NPFFR2: variants seen among roughly 807,000 people sequenced by gnomAD.
NPFFR2 encodes G-protein coupled receptor 74.
In NPFFR2, 15 loss-of-function variants were observed where a neutral mutation model predicts 13.1. The observed-to-expected ratio is 1.15, with a 90% CI of 0.77 to 1.76. The LOEUF (loss-of-function observed/expected upper bound fraction) is 1.76, where lower values mean the gene tolerates loss of function less well. Ranked by LOEUF, NPFFR2 falls within the 40% of genes most tolerant of loss-of-function variation. NPFFR2 has a pLI of 0.00. For missense variants in NPFFR2, 572 were observed against 503.5 expected, an observed-to-expected ratio of 1.14 and a Z score of -1.30; for synonymous variants, 190 against 175.7, an observed-to-expected ratio of 1.08 and a Z score of -0.65.
chr4:72,035,451 C>A (rs1174918756), intron 1 of NPFFR2, among the ~76,000 whole-genome samples: 1 of 152,222 alleles, frequency 6.6e-6, no homozygotes, highest in Non-Finnish European at 1.5e-5. Context: ...AGGGCCAGAG[C>A]CTCAAGCATA....
intron 1 of NPFFR2, among the ~76,000 whole-genome samples, chr4:72,124,448 A>C (rs1721976680): frequency 6.6e-6 from 1 of 152,154 alleles, no homozygotes; most frequent in Non-Finnish European, 1.5e-5. Context: ...AGACAATTCT[A>C]AGCAAAAAGA....
At chr4:72,067,617 C>T (rs114904676) in intron 1 of NPFFR2, among the ~76,000 whole-genome samples, 7,235 of 44,872 alleles carry the variant, frequency 0.16, 599 homozygotes, top group African/African-American at 0.26. Context: ...ACTATAAATT[C>T]CTTCTTCAGT....
At chr4:72,054,232 G>A (rs1171810974) in intron 1 of NPFFR2, among the ~76,000 whole-genome samples, 4 of 151,884 alleles carry the variant, frequency 2.6e-5, no homozygotes, top group Non-Finnish European at 4.4e-5. Flanking sequence ...TTGGTTTACA[G>A]ATTTGCTGTA....
At chr4:72,044,658 A>AT (rs1230575335) in intron 1 of NPFFR2, among the ~76,000 whole-genome samples, 4 of 151,002 alleles carry the variant, frequency 2.6e-5, no homozygotes, top group East Asian at 3.9e-4. Flanking sequence ...GATGTTGAGA[A>AT]TTTTTTTTCA....
chr4:72,060,574 G>A (rs1719891922), intron 1 of NPFFR2, among the ~76,000 whole-genome samples: 2 of 152,082 alleles, frequency 1.3e-5, no homozygotes, highest in East Asian at 1.9e-4. Context: ...GTAGATTAAT[G>A]TTGAATTTAA....
chr4:72,122,883 G>T (rs1278103961), intron 1 of NPFFR2, among the ~76,000 whole-genome samples: 1 of 152,114 alleles, frequency 6.6e-6, no homozygotes, highest in Non-Finnish European at 1.5e-5. Context: ...GCTAGCAGAA[G>T]ACAAGAAATA....
intron 1 of NPFFR2, among the ~76,000 whole-genome samples, chr4:72,055,326 ATC>A (rs1234368231): frequency 6.6e-6 from 1 of 151,884 alleles, no homozygotes; most frequent in African/African-American, 2.4e-5. Context: ...GAAATATTGC[ATC>A]TGTGAACATG....
At chr4:72,092,038 C>G (rs1720930412) in intron 1 of NPFFR2, among the ~76,000 whole-genome samples, 1 of 151,960 alleles carries the variant, frequency 6.6e-6, no homozygotes, top group East Asian at 1.9e-4. Flanking sequence ...GTTTATATCA[C>G]TATTATCATT....
chr4:72,081,095 C>T (rs1268133722), intron 1 of NPFFR2, among the ~76,000 whole-genome samples: 9 of 152,214 alleles, frequency 5.9e-5, no homozygotes, highest in South Asian at 2.1e-4. Context: ...ATGACTTTAT[C>T]TGCAATACTC....
intron 1 of NPFFR2, among the ~76,000 whole-genome samples, chr4:72,116,537 A>G (rs1721718613): frequency 6.6e-6 from 1 of 152,112 alleles, no homozygotes; most frequent in Admixed American, 6.6e-5. Context: ...CCCATGCAAC[A>G]AATCTGCACA....
intron 1 of NPFFR2, among the ~76,000 whole-genome samples, chr4:72,098,078 A>C (rs1017495573): frequency 6.6e-6 from 1 of 152,198 alleles, no homozygotes; most frequent in African/African-American, 2.4e-5. Context: ...AACTTAAAGA[A>C]TCTCTAAGCC....
At chr4:72,101,033 A>G (rs1334389568) in intron 1 of NPFFR2, among the ~76,000 whole-genome samples, 1 of 152,012 alleles carries the variant, frequency 6.6e-6, no homozygotes, top group Non-Finnish European at 1.5e-5. Flanking sequence ...CTGCTTGAAA[A>G]CAGTTTTCAA....
At chr4:72,032,895 C>T (rs62321470) in intron 1 of NPFFR2, among the ~76,000 whole-genome samples, 89 of 152,296 alleles carry the variant, frequency 5.8e-4, no homozygotes, top group Non-Finnish European at 1.0e-3. Flanking sequence ...ACCAAAAATA[C>T]ATTTGTTCAT....
At chr4:72,086,497 T>G (rs1720775367) in intron 1 of NPFFR2, among the ~76,000 whole-genome samples, 1 of 151,634 alleles carries the variant, frequency 6.6e-6, no homozygotes, top group Admixed American at 6.6e-5. Context: ...AATTAAAAAT[T>G]AGGTCTTAAT....
rs370811226 is a variant in NPFFR2, at chr4:72,062,563, C to T, written c.-8+30363C>T. ...GAAGTCGTGAGTCTTCATTCTTTCC[C>T]GTATCTATGTCCTTTCCAATGTGAA... On this transcript the variant is annotated intron_variant, in intron 1 of 3. Transcript: ENST00000308744. 2.7e-3 allele frequency among the ~76,000 whole-genome samples: 402 copies of T among 151,196 alleles called. 4 individuals are homozygous for T. The highest frequency in any genetic ancestry group is 8.0e-3 in the African/African-American group (332 of 41,276).
intron 1 of NPFFR2, among the ~76,000 whole-genome samples, chr4:72,121,953 T>C (rs1721893689): frequency 6.6e-6 from 1 of 152,096 alleles, no homozygotes. Context: ...AGACACACAC[T>C]GGCAAATCGG....
At chr4:72,077,967 T>C (rs1429985114) in intron 1 of NPFFR2, among the ~76,000 whole-genome samples, 26 of 152,060 alleles carry the variant, frequency 1.7e-4, no homozygotes, top group Admixed American at 1.7e-3. Flanking sequence ...TGCATGTGTG[T>C]AGTGGTTGTG....
At chr4:72,074,947 G>T (rs1720381745) in intron 1 of NPFFR2, among the ~76,000 whole-genome samples, 1 of 134,464 alleles carries the variant, frequency 7.4e-6, no homozygotes, top group Non-Finnish European at 1.6e-5. Flanking sequence ...ATTAATAAAA[G>T]ATTCAATATG....
intron 1 of NPFFR2, among the ~76,000 whole-genome samples, chr4:72,118,824 A>G (rs1405899978): frequency 6.6e-6 from 1 of 152,192 alleles, no homozygotes; most frequent in Non-Finnish European, 1.5e-5. Flanking sequence ...ATAATACAGT[A>G]TAAAATGGCA....
Sources: allele counts gnomAD v4.1 joint callset (sites outside exome capture counted in the v4.1 genomes callset), GRCh38; gene constraint gnomAD v4.1.1; transcripts MANE v1.5; gene names NCBI Gene and HGNC (gene_info 2026-07-23, HGNC 2026-07-21).